Variants in COL23A1 observed in about 807,000 individuals in gnomAD.
The protein encoded by COL23A1 is collagen alpha-1(XXIII) chain.
Under a neutral mutation model 99.3 loss-of-function variants are expected in COL23A1, and 97 were observed. That is an observed-to-expected ratio of 0.98 (90% CI 0.83 to 1.16). COL23A1 has a LOEUF of 1.16. Among genes scored for constraint, COL23A1 ranks in the 50% most tolerant of loss-of-function variants. The pLI is 0.00. For synonymous variants in COL23A1, 320 were observed against 308.2 expected (o/e 1.04, Z -0.40); for missense variants, 762 against 757.4 (o/e 1.01, Z -0.07).
intron 2 of COL23A1, among the ~76,000 whole-genome samples, chr5:178,541,829 A>C (rs141412482): frequency 6.6e-6 from 1 of 152,296 alleles, no homozygotes; most frequent in Non-Finnish European, 1.5e-5. Context: ...TTGCAGACAC[A>C]AGAATCCATA....
At chr5:178,341,115 G>A (rs1760634690) in intron 2 of COL23A1, among the ~76,000 whole-genome samples, 1 of 152,216 alleles carries the variant, frequency 6.6e-6, no homozygotes, top group East Asian at 1.9e-4. Flanking sequence ...TCCAGTGCCT[G>A]CCCCACTAGG....
intron 1 of COL23A1, among the ~76,000 whole-genome samples, chr5:178,582,747 T>G (rs1763729032): frequency 6.6e-6 from 1 of 152,070 alleles, no homozygotes; most frequent in Non-Finnish European, 1.5e-5. Flanking sequence ...ACCTCACCAT[T>G]CCAGGTCCCG....
In COL23A1 at chr5:178,416,374, C is replaced by G. The variant is rs200904682; in HGVS notation, c.362-109455G>C. Among the ~76,000 whole-genome samples the G allele has an allele frequency of 5.3e-5, 8 of 152,296 alleles. No homozygotes were observed. The East Asian group carries it at 1.6e-3, about 30-fold the overall frequency. On this transcript the variant is annotated intron_variant, in intron 2 of 28. Transcript: ENST00000390654. ...TCCCCGGGCCTCCATCGTGGCTGAC[C>G]GGAGCTCGGCACCTGTCTTCTCCTT...
chr5:178,358,476 T>C (rs547884731), intron 2 of COL23A1, among the ~76,000 whole-genome samples: 21 of 149,580 alleles, frequency 1.4e-4, no homozygotes, highest in Admixed American at 8.7e-4. Context: ...TATGTGCGTA[T>C]GCGTATATAT....
In COL23A1 at chr5:178,534,710, C is replaced by T. The variant is rs866323234; in HGVS notation, c.361+25972G>A. ...AGGAGAATCGCTTGAACCCGGGAGG[C>T]GGAGGTTGCAGTGAGCCAAGATCGT... On this transcript the variant is annotated intron_variant, in intron 2 of 28. Coordinates refer to ENST00000390654, the MANE Select transcript of COL23A1 (RefSeq NM_173465.4). Among the ~76,000 whole-genome samples, 5 of 151,868 alleles carry T rather than the reference C, an allele frequency of 3.3e-5. No homozygotes were observed. In the South Asian group the frequency reaches 6.2e-4, roughly 19 times the overall value.
chr5:178,379,738 G>T (rs1373563344), intron 2 of COL23A1, among the ~76,000 whole-genome samples: 1 of 152,020 alleles, frequency 6.6e-6, no homozygotes, highest in Non-Finnish European at 1.5e-5. Context: ...AAAATGAGCT[G>T]GGCCTAGTGG....
Position 178,387,426 on chromosome 5 carries a change from C to A in COL23A1, c.362-80507G>T, listed in dbSNP as rs1261976091. Among the ~76,000 whole-genome samples, 1 of 152,134 alleles carries A rather than the reference C, an allele frequency of 6.6e-6. No individual in the cohort carries two copies. The highest frequency in any genetic ancestry group is 2.4e-5 in the African/African-American group (1 of 41,438). ...AGGTGGGTCCCTCCACAGGAGCGCT[C>A]CTCCCGAAACCCACCCACCGGACAT... is the stretch of plus-strand genomic sequence containing the variant. On this transcript the variant is annotated intron_variant, in intron 2 of 28. Transcript: ENST00000390654. The surrounding 1 kb of genome is among the most constrained non-coding windows in gnomAD (Gnocchi z 4.7).
chr5:178,389,958 C>T (rs890319790), intron 2 of COL23A1, among the ~76,000 whole-genome samples: 5 of 152,212 alleles, frequency 3.3e-5, no homozygotes, highest in African/African-American at 1.2e-4. Flanking sequence ...CACATGCTTA[C>T]AGGAAAGACG....
intron 12 of COL23A1, 97 bp from the exon 13 acceptor site, chr5:178,257,664 G>T (rs528240243): frequency 2.0e-4 from 253 of 1,264,154 alleles, no homozygotes; most frequent in Non-Finnish European, 1.2e-4. Context: ...TCTGCTCCTG[G>T]CATCTGCACT....
intron 16 of COL23A1, among the ~76,000 whole-genome samples, chr5:178,254,582 C>T (rs1189567619): frequency 1.3e-5 from 2 of 152,220 alleles, no homozygotes; most frequent in Non-Finnish European, 2.9e-5. Context: ...CACTCTCATC[C>T]TCCCCATGGC....
rs1424335479 is a variant in COL23A1 at position 178,428,984 on chromosome 5, C to G, written c.362-122065G>C. Reference sequence around the variant, plus strand: ...GACCCTACCACACCCCAGTGCTGCCCAGGCCCAGCACCCGGGGTGCGGGTG... The same window carrying G: ...GACCCTACCACACCCCAGTGCTGCCGAGGCCCAGCACCCGGGGTGCGGGTG... On this transcript the variant is annotated intron_variant, in intron 2 of 28. Transcript: ENST00000390654. This position sits in a 1 kb window ranked among gnomAD's most constrained non-coding sequence, Gnocchi z 5.0. Among the ~76,000 whole-genome samples, 1 of 152,116 alleles carries G rather than the reference C, an allele frequency of 6.6e-6. No homozygotes were observed. The highest frequency in any genetic ancestry group is 1.9e-4 in the East Asian group (1 of 5,166).
At chr5:178,442,986 T>C (rs1269107643) in intron 2 of COL23A1, 1 of 152,214 alleles carries the variant, frequency 6.6e-6, no homozygotes, top group East Asian at 1.9e-4. Context: ...TGTTTCCTTT[T>C]AGTTGCTGGG....
At chr5:178,455,983 A>G (rs2672820) in intron 2 of COL23A1, among the ~76,000 whole-genome samples, 47,764 of 152,182 alleles carry the variant, frequency 0.31, 7,797 homozygotes, top group Middle Eastern at 0.41. Flanking sequence ...AAGGGACTTG[A>G]GTTGTTAAGG....
chr5:178,523,201 T>TAGAGAGAGAGAGAGAGAGAGAGAGAGAG (rs70997609), intron 2 of COL23A1, among the ~76,000 whole-genome samples: 1 of 77,632 alleles, frequency 1.3e-5, no homozygotes, highest in Non-Finnish European at 2.5e-5. Context: ...TATATATATA[T>TAGAGAGAGAGAGAGAGAGAGAGAGAGAG]AGAGAGAGAG....
rs547530172 is a variant in COL23A1, at chr5:178,534,922, A to C, written c.361+25760T>G. On this transcript the variant is annotated intron_variant, in intron 2 of 28. Transcript: ENST00000390654. The stretch of plus-strand genomic sequence containing the variant: ...CTTTTCCTGTTGACTAAAAGAGGTT[A>C]TTACACATAATTTTGCTTAAAATCC... Among the ~76,000 whole-genome samples, 10 of 151,554 alleles carry C rather than the reference A, an allele frequency of 6.6e-5. 1 individual carries two copies. The South Asian group carries it at 2.1e-3, about 32-fold the overall frequency.
At chr5:178,240,534 T>G (rs1392618079) in intron 27 of COL23A1, among the ~76,000 whole-genome samples, 2 of 152,178 alleles carry the variant, frequency 1.3e-5, no homozygotes, top group Admixed American at 6.5e-5. Context: ...GCACGTGGGA[T>G]TCTCCTGTTT....
chr5:178,474,700 A>G (rs527270787), intron 2 of COL23A1, among the ~76,000 whole-genome samples: 42 of 152,210 alleles, frequency 2.8e-4, no homozygotes, highest in Non-Finnish European at 5.4e-4. Context: ...TCCAGGCACC[A>G]GTTTAGGTAC....
At chr5:178,466,062 G>A (rs748249863) in intron 2 of COL23A1, among the ~76,000 whole-genome samples, 1 of 152,106 alleles carries the variant, frequency 6.6e-6, no homozygotes, top group African/African-American at 2.4e-5. Flanking sequence ...CCTGGTGAAC[G>A]ACCCCCATGA....
chr5:178,437,710 G>A (rs969307154), intron 2 of COL23A1, among the ~76,000 whole-genome samples: 1 of 152,196 alleles, frequency 6.6e-6, no homozygotes, highest in Non-Finnish European at 1.5e-5. Flanking sequence ...CTACTTCCCT[G>A]CTGCTCACCT....
Sources: gnomAD v4.1 joint callset for allele counts (sites outside exome capture counted in the v4.1 genomes callset) on GRCh38, gnomAD v4.1.1 for gene constraint, Gnocchi (gnomAD v3.1) non-coding constraint, MANE v1.5 for transcripts, NCBI Gene and HGNC (gene_info 2026-07-23, HGNC 2026-07-21) for gene names.